ASAP3: variants seen among roughly 807,000 people sequenced by gnomAD.
ASAP3 encodes the protein ArfGAP with SH3 domain, ankyrin repeat and PH domain 3.
A neutral mutation model predicts 118.2 loss-of-function variants in ASAP3; 85 were observed. The ratio of observed to expected loss-of-function variants is 0.72; its 90% CI spans 0.60 to 0.86. The LOEUF (loss-of-function observed/expected upper bound fraction) is 0.86, where lower values mean the gene tolerates loss of function less well. Ranked by LOEUF, ASAP3 falls within the 40% of genes least tolerant of loss-of-function variation. The pLI is 0.00. For missense variants in ASAP3, 1,026 were observed against 1,175.0 expected (o/e 0.87, Z 1.85); for synonymous variants, 432 against 477.4 (o/e 0.90, Z 1.24).
At chr1:23,434,192 G>A (rs778949058) in intron 19 of ASAP3, 62 bp downstream of exon 19, 139 of 1,517,834 alleles carry the variant, frequency 9.2e-5, no homozygotes, top group East Asian at 2.0e-4. Flanking sequence ...CGAGACCATC[G>A]GAAGTCCACA....
intron 1 of ASAP3, among the ~76,000 whole-genome samples, chr1:23,460,893 G>A (rs1641564879): frequency 6.6e-6 from 1 of 152,186 alleles, no homozygotes; most frequent in African/African-American, 2.4e-5. Context: ...GAAAAGAAAT[G>A]AGCTATCAAA....
At chr1:23,471,806 G>C (rs545231642) in intron 1 of ASAP3, among the ~76,000 whole-genome samples, 1 of 152,334 alleles carries the variant, frequency 6.6e-6, no homozygotes, top group East Asian at 1.9e-4. Context: ...AGCTATTCCT[G>C]CCCAGCAGAC....
intron 24 of ASAP3, 50 bp downstream of exon 24, chr1:23,430,985 T>A: frequency 2.0e-6 from 3 of 1,475,788 alleles, no homozygotes; most frequent in South Asian, 2.8e-5. Flanking sequence ...TAACTCTGCC[T>A]CCCAGGCACC....
intron 1 of ASAP3, among the ~76,000 whole-genome samples, chr1:23,461,027 A>T (rs563038856): frequency 1.1e-4 from 16 of 152,346 alleles, no homozygotes; most frequent in Admixed American, 4.6e-4. Flanking sequence ...GGAGACAGTA[A>T]AAAGATCAGT....
intron 22 of ASAP3, 50 bp from the exon 23 acceptor site, chr1:23,431,968 C>A: frequency 6.7e-7 from 1 of 1,491,806 alleles, no homozygotes; most frequent in Non-Finnish European, 9.2e-7. Flanking sequence ...ATCACTTGCT[C>A]TGTGCCCAAC....
intron 3 of ASAP3, 102 bp from the exon 4 acceptor site, chr1:23,452,873 G>A: frequency 6.1e-6 from 7 of 1,154,170 alleles, no homozygotes; most frequent in Non-Finnish European, 7.8e-6. Flanking sequence ...AGAGCAGCGG[G>A]GAAGGGAAGT....
chr1:23,464,145 G>A (rs972799565), intron 1 of ASAP3, among the ~76,000 whole-genome samples: 19 of 149,004 alleles, frequency 1.3e-4, no homozygotes, highest in African/African-American at 4.0e-4. Flanking sequence ...GACCAGCCTC[G>A]GCAACAAAGT....
chr1:23,472,782 T>A (rs2148659149), intron 1 of ASAP3, among the ~76,000 whole-genome samples: 1 of 152,326 alleles, frequency 6.6e-6, no homozygotes, highest in Middle Eastern at 3.4e-3. Context: ...AATTACTAAG[T>A]ACCTGTTACG....
intron 1 of ASAP3, among the ~76,000 whole-genome samples, chr1:23,473,974 CTTTTT>C (rs10664798): frequency 2.4e-4 from 17 of 72,110 alleles, no homozygotes; most frequent in Admixed American, 6.6e-4. Flanking sequence ...TAAATCTGCT[CTTTTT>C]TTTTTTTTTT....
chr1:23,452,651 C>A (rs1641254501), intron 4 of ASAP3, 46 bp downstream of exon 4: 2 of 1,591,538 alleles, frequency 1.3e-6, no homozygotes, highest in African/African-American at 2.7e-5. Flanking sequence ...TCCTGCCCAC[C>A]CCTCTTTTAC....
chr1:23,441,427 C>T lies in ASAP3; in HGVS notation c.794G>A (p.Arg265Gln), dbSNP rs753097677. Reference sequence around the variant, plus strand: ...CTGCAGTGTCCCTCGGAGGGAGTCCCGGAGCTGGGTCAGCTTCTGTAGCTC... The same window carrying T: ...CTGCAGTGTCCCTCGGAGGGAGTCCTGGAGCTGGGTCAGCTTCTGTAGCTC... Reference protein sequence around the residue: ...EDELQKLTQLRDSLRGTLQLE... With the variant: ...EDELQKLTQLQDSLRGTLQLE... Residue 265 changes from arginine to glutamine, a missense_variant, in exon 9 of 25, where the codon CGG (arginine) becomes CAG (glutamine). Arg to Gln is a conservative substitution (Grantham distance 43, BLOSUM62 1). Coordinates refer to ENST00000336689, the MANE Select transcript of ASAP3 (RefSeq NM_017707.4). 9.0e-5 allele frequency: 146 copies of T among 1,613,992 alleles called. 1 individual carries two copies. Among genetic ancestry groups the T allele is most frequent in the Non-Finnish European group, 1.2e-4 (143 of 1,180,024 alleles).
rs143770418 is a variant in ASAP3, at chr1:23,433,515, C to T, written c.2037G>A (p.Ala679=). ...ECEELLEQAQ[A]GTFAFPLHVD... is the part of the protein sequence containing the mutation. ...CATGTAGAGGGAAGGCAAAGGTCCC[C>T]GCCTGGGCCTGCTCCAGCTGCCAAA... The change falls in exon 21 of 25, where the codon GCG becomes GCA. Residue 679 remains alanine (A), a synonymous_variant. Transcript: ENST00000336689. The T allele has an allele frequency of 6.6e-5, 106 of 1,614,160 alleles. No homozygotes were observed. The South Asian group carries it at 7.5e-4, about 11-fold the overall frequency.
intron 1 of ASAP3, among the ~76,000 whole-genome samples, chr1:23,472,438 G>C (rs892649674): frequency 3.3e-5 from 5 of 152,158 alleles, no homozygotes; most frequent in Non-Finnish European, 7.4e-5. Flanking sequence ...GCGTCCCACA[G>C]TGCTGGGATT....
Position 23,436,814 on chromosome 1 carries a change from G to A in ASAP3, c.1476+97C>T, listed in dbSNP as rs533596518. Reference sequence around the variant, plus strand: ...TACCTGGCTTGTCCCAGCCCACCTCGGCCAGGTCCCACCCACAACCTGCAA... The same window carrying A: ...TACCTGGCTTGTCCCAGCCCACCTCAGCCAGGTCCCACCCACAACCTGCAA... On this transcript the variant is annotated intron_variant, in intron 15 of 24. Coordinates refer to ENST00000336689, the MANE Select transcript of ASAP3 (RefSeq NM_017707.4). The surrounding 1 kb of genome is among the most constrained non-coding windows in gnomAD (Gnocchi z 4.2). The A allele has an allele frequency of 4.0e-6, 6 of 1,512,938 alleles. No homozygotes were observed. Among genetic ancestry groups the A allele is most frequent in the South Asian group, 3.7e-5 (3 of 80,638 alleles). 93.7% of individuals were successfully genotyped at this position (1,512,938 alleles called of 1,614,324 possible). A position where few individuals can be genotyped will look rare whatever the true frequency, so the allele number is the denominator to read the frequency against.
intron 23 of ASAP3, 97 bp from the exon 24 acceptor site, chr1:23,431,222 G>C: frequency 7.7e-7 from 1 of 1,306,394 alleles, no homozygotes; most frequent in African/African-American, 1.5e-5. Context: ...TGGGGGCTTA[G>C]GATGGGTGGG....
At chr1:23,471,590 C>T (rs558157247) in intron 1 of ASAP3, among the ~76,000 whole-genome samples, 38 of 152,266 alleles carry the variant, frequency 2.5e-4, no homozygotes, top group South Asian at 1.7e-3. Context: ...TTAAGGACTC[C>T]GGCTTTCAAG....
At position 23,431,622 on chromosome 1, in the gene ASAP3, G is replaced by A. The variant is rs188949572; in HGVS notation, c.2546+74C>T. 1.8e-3 allele frequency: 2,378 copies of A among 1,340,656 alleles called. 14 individuals are homozygous for A. The highest frequency in any genetic ancestry group is 1.4e-3 in the Non-Finnish European group (1,356 of 982,130). The allele number at this position is 1,340,656 out of a possible 1,614,324, so 83.0% of individuals were successfully genotyped here. The stretch of plus-strand genomic sequence containing the variant: ...CCAGTCTTTAGGCAGGTACTATTTA[G>A]AGGTGTGGAAATCAATGGATGCTCA... On this transcript the variant is annotated intron_variant, in intron 23 of 24. Transcript: ENST00000336689.
At chr1:23,442,308 T>C in intron 6 of ASAP3, 37 bp from the exon 7 acceptor site, 1 of 1,584,888 alleles carries the variant, frequency 6.3e-7, no homozygotes, top group Non-Finnish European at 8.6e-7. Context: ...TGATGTGAGC[T>C]GAAGCAGAAT....
chr1:23,449,948 T>C (rs1641162321), intron 5 of ASAP3, among the ~76,000 whole-genome samples: 1 of 152,224 alleles, frequency 6.6e-6, no homozygotes, highest in Non-Finnish European at 1.5e-5. Flanking sequence ...AAGAGGGCCA[T>C]GTGGCCCCAC....
Sources: allele counts gnomAD v4.1 joint callset (sites outside exome capture counted in the v4.1 genomes callset), GRCh38; gene constraint gnomAD v4.1.1; non-coding constraint Gnocchi (gnomAD v3.1); transcripts MANE v1.5; gene names NCBI Gene and HGNC (gene_info 2026-07-23, HGNC 2026-07-21).